The following NEB variants were observed in gnomAD, a reference collection of about 807,000 sequenced individuals.
NEB encodes the protein nemaline myopathy type 2.
In NEB, 512 loss-of-function variants were observed where a neutral mutation model predicts 952.2. That is an observed-to-expected ratio of 0.54 (90% CI 0.50 to 0.58). The LOEUF (loss-of-function observed/expected upper bound fraction) is 0.58. Among genes scored for constraint, NEB ranks in the 20% least tolerant of loss-of-function variants. NEB has a pLI of 0.00. For missense variants in NEB, 8,428 were observed against 9,231.1 expected, an observed-to-expected ratio of 0.91 and a Z score of 3.56; for synonymous variants, 2,900 against 3,149.8, an observed-to-expected ratio of 0.92 and a Z score of 2.66.
chr2:151,575,694 C>T lies in NEB; in HGVS notation c.17013+1G>A, dbSNP rs1474860245. ...AAAAGAGAGTCTGTTGTAGTACTTA[C>T]ATTGCTCACATTAAGAGCATTTGCT... On this transcript the variant is annotated splice_donor_variant, in intron 107 of 181. Coordinates refer to ENST00000397345, the MANE Select transcript of NEB (RefSeq NM_001164508.2). LOFTEE classifies it high-confidence loss of function. 1 of 1,567,170 alleles carries T rather than the reference C, an allele frequency of 6.4e-7. No individual in the cohort carries two copies. The highest frequency in any genetic ancestry group is 8.8e-7 in the Non-Finnish European group (1 of 1,137,350).
chr2:151,672,289 T>C (rs951195133), intron 37 of NEB, 80 bp downstream of exon 37: 1 of 1,290,634 alleles, frequency 7.7e-7, no homozygotes, highest in Non-Finnish European at 1.1e-6. Context: ...TAGCTGACTG[T>C]AGTATGAAGT....
chr2:151,570,023 T>G, intron 109 of NEB, 58 bp downstream of exon 109: 3 of 1,504,418 alleles, frequency 2.0e-6, no homozygotes, highest in Non-Finnish European at 2.7e-6. Context: ...TGTCATAAAC[T>G]CTCTGGAAGT....
chr2:151,636,713 G>A (rs921725885), intron 63 of NEB, among the ~76,000 whole-genome samples: 7 of 152,104 alleles, frequency 4.6e-5, no homozygotes, highest in Non-Finnish European at 8.8e-5. Context: ...CCTGGGAGGC[G>A]GAAGTTGCAG....
Position 151,620,989 on chromosome 2 carries a change from T to C in NEB, c.10490A>G (p.Glu3497Gly). ...YRQAMEEAKKEGYDLRSDAIP... is the reference protein window; with the variant it reads ...YRQAMEEAKKGGYDLRSDAIP... ...GGCATCACTTCTCAAGTCATAGCCT[T>C]CTTTCTTGGCTTCTTCCATGGCCTG... Residue 3497 changes from glutamate (E) to glycine (G), a missense_variant, in exon 72 of 182, where the codon GAA becomes GGA. Around this residue, in one of 11 missense-constraint regions of NEB, gnomAD observed 1,772 missense variants for 1,960.3 expected, o/e 0.90. Coordinates refer to ENST00000397345, the MANE Select transcript of NEB (RefSeq NM_001164508.2). 1 of 1,612,682 alleles carries C rather than the reference T, an allele frequency of 6.2e-7. No homozygotes were observed. Among genetic ancestry groups the C allele is most frequent in the Non-Finnish European group, 8.5e-7 (1 of 1,179,368 alleles).
intron 166 of NEB, 79 bp downstream of exon 166, chr2:151,503,270 T>TA: frequency 3.8e-6 from 4 of 1,057,034 alleles, no homozygotes; most frequent in Non-Finnish European, 5.8e-6. Context: ...GTTAAGATGT[T>TA]ACTTTCTTTA....
chr2:151,534,430 C>G (rs1283968977), intron 142 of NEB: 8 of 842,818 alleles, frequency 9.5e-6, no homozygotes, highest in Non-Finnish European at 1.4e-5. Flanking sequence ...TAGTGGCGGG[C>G]TCCCAACATA....
intron 13 of NEB, among the ~76,000 whole-genome samples, chr2:151,697,972 AG>A (rs1356597429): frequency 6.6e-6 from 1 of 152,226 alleles, no homozygotes; most frequent in Non-Finnish European, 1.5e-5. Flanking sequence ...AGGCTGAGGC[AG>A]GAGAATTGCT....
chr2:151,525,893 A>T, intron 150 of NEB, 65 bp downstream of exon 150: 1 of 1,264,982 alleles, frequency 7.9e-7, no homozygotes, highest in Non-Finnish European at 1.2e-6. Flanking sequence ...AACTGACATT[A>T]TTTCACCAGA....
chr2:151,595,244 C>CTATTTT (rs2097398020), intron 92 of NEB, among the ~76,000 whole-genome samples: 2 of 134,364 alleles, frequency 1.5e-5, no homozygotes, highest in African/African-American at 5.8e-5. Flanking sequence ...CATAATTATT[C>CTATTTT]TATTTTTATT....
At chr2:151,534,741 T>C (rs1379043460) in intron 142 of NEB, among the ~76,000 whole-genome samples, 1 of 152,170 alleles carries the variant, frequency 6.6e-6, no homozygotes, top group Non-Finnish European at 1.5e-5. Flanking sequence ...ATGCTATTAA[T>C]TTACTGGATT....
In NEB at chr2:151,630,811, G is replaced by T; in HGVS notation, c.9627C>A (p.Tyr3209Ter). The T allele has an allele frequency of 6.3e-7, 1 of 1,593,294 alleles. No individual in the cohort carries two copies. The highest frequency in any genetic ancestry group is 8.5e-7 in the Non-Finnish European group (1 of 1,170,014). Residue 3209 changes from tyrosine to a stop codon, truncating the protein, a stop_gained, in exon 67 of 182, where the codon TAC (tyrosine) becomes TAA (stop). Coordinates refer to ENST00000397345, the MANE Select transcript of NEB (RefSeq NM_001164508.2). LOFTEE classifies it high-confidence loss of function. ...TCTTGTCTTTGTCCCAGGCCTCTGT[G>T]TATAAACGCTATAAAAGAAGATAAG... ...NNALNMNKRL[Y>*]TEAWDKDKTQ...
chr2:151,718,789 T>C (rs761935654), intron 9 of NEB, among the ~76,000 whole-genome samples: 2 of 152,232 alleles, frequency 1.3e-5, no homozygotes, highest in African/African-American at 2.4e-5. Flanking sequence ...AAAATAAGTA[T>C]GGTGCCCACA....
intron 70 of NEB, 41 bp downstream of exon 70, chr2:151,626,961 C>T (rs2154057612): frequency 1.2e-6 from 2 of 1,600,216 alleles, no homozygotes; most frequent in Non-Finnish European, 1.7e-6. Context: ...TCTTGAATGA[C>T]ATATAGCCCT....
intron 161 of NEB, among the ~76,000 whole-genome samples, chr2:151,511,120 G>A (rs949613079): frequency 8.5e-5 from 13 of 152,338 alleles, no homozygotes; most frequent in East Asian, 3.9e-4. Context: ...TGAAGCTTTC[G>A]TTAAAGATCA....
chr2:151,694,136 A>G (rs1376404475), intron 20 of NEB, among the ~76,000 whole-genome samples, 187 bp downstream of exon 20: 1 of 152,230 alleles, frequency 6.6e-6, no homozygotes, highest in Non-Finnish European at 1.5e-5. Flanking sequence ...TGCAGTATTC[A>G]CTGGCATCAA....
chr2:151,717,583 T>A, intron 9 of NEB, 63 bp from the exon 10 acceptor site: 1 of 1,223,708 alleles, frequency 8.2e-7, no homozygotes, highest in East Asian at 2.4e-5. Context: ...TTATTTGAAG[T>A]CTTAAATTTT....
At chr2:151,688,932 T>G (rs1207782234) in intron 24 of NEB, among the ~76,000 whole-genome samples, 1 of 152,180 alleles carries the variant, frequency 6.6e-6, no homozygotes, top group Non-Finnish European at 1.5e-5. Context: ...GTTTCTGGAA[T>G]CTTCCACTTC....
At chr2:151,503,462 A>G (rs754360411) in intron 165 of NEB, 21 bp from the exon 166 acceptor site, 2 of 1,519,952 alleles carry the variant, frequency 1.3e-6, no homozygotes, top group Non-Finnish European at 1.8e-6. Flanking sequence ...TAATTAGAAT[A>G]CCCAGAAAGG....
intron 23 of NEB, among the ~76,000 whole-genome samples, chr2:151,691,094 G>A (rs1271554415): frequency 6.6e-6 from 1 of 152,064 alleles, no homozygotes; most frequent in African/African-American, 2.4e-5. Context: ...TGACTCTTTA[G>A]TCAACTTGGT....
Sources: allele counts gnomAD v4.1 joint callset (sites outside exome capture counted in the v4.1 genomes callset), GRCh38; gene constraint gnomAD v4.1.1; regional missense constraint gnomAD v4.1.1; transcripts MANE v1.5; gene names NCBI Gene and HGNC (gene_info 2026-07-23, HGNC 2026-07-21).